The following HPSE2 variants were observed in gnomAD, a reference collection of about 807,000 sequenced individuals.
HPSE2 encodes inactive heparanase-2.
Under a neutral mutation model 60.5 loss-of-function variants are expected in HPSE2, and 38 were observed. That is an observed-to-expected ratio of 0.63 (90% CI 0.48 to 0.82). HPSE2 has a LOEUF of 0.82. HPSE2 is among the 40% of genes least tolerant of loss of function. HPSE2 has a pLI of 0.00. For synonymous variants in HPSE2, 295 were observed against 293.2 expected, an observed-to-expected ratio of 1.01 and a Z score of -0.06; for missense variants, 713 against 740.4, an observed-to-expected ratio of 0.96 and a Z score of 0.43.
intron 9 of HPSE2, among the ~76,000 whole-genome samples, chr10:98,491,790 G>A (rs1941653720): frequency 6.6e-6 from 1 of 152,134 alleles, no homozygotes; most frequent in Non-Finnish European, 1.5e-5. Flanking sequence ...GCTGTACAAC[G>A]CTTTCCTTCA....
chr10:98,477,889 G>A (rs979070366), intron 11 of HPSE2, among the ~76,000 whole-genome samples: 7 of 150,804 alleles, frequency 4.6e-5, no homozygotes, highest in African/African-American at 1.7e-4. Flanking sequence ...ATAGAAGTGT[G>A]AACCCTATTG....
Position 98,805,828 on chromosome 10 carries a change from C to T in HPSE2, c.611-61772G>A, listed in dbSNP as rs537385399. On this transcript the variant is annotated intron_variant, in intron 3 of 11. Coordinates refer to ENST00000370552, the MANE Select transcript of HPSE2 (RefSeq NM_021828.5). ...GCAAGATTTCCAAAATTTTTTTCTT[C>T]CAAGTATAGTGTAATTTATTTTGCC... Among the ~76,000 whole-genome samples, 569 of 152,104 alleles carry T rather than the reference C, an allele frequency of 3.7e-3. 7 individuals are homozygous for T. The highest frequency in any genetic ancestry group is 0.013 in the African/African-American group (548 of 41,498).
intron 3 of HPSE2, among the ~76,000 whole-genome samples, chr10:98,983,927 C>T (rs1956271061): frequency 6.6e-6 from 1 of 152,216 alleles, no homozygotes; most frequent in Non-Finnish European, 1.5e-5. Context: ...AACTGCAAGG[C>T]AGCAGCCAGG....
chr10:98,469,890 C>T (rs751985594), intron 11 of HPSE2, among the ~76,000 whole-genome samples: 15 of 152,248 alleles, frequency 9.9e-5, no homozygotes, highest in Admixed American at 3.9e-4. Context: ...TTTCAGATTC[C>T]CAAGTCAGAA....
chr10:99,131,379 T>A (rs1269383102), intron 3 of HPSE2, among the ~76,000 whole-genome samples: 1 of 152,176 alleles, frequency 6.6e-6, no homozygotes, highest in African/African-American at 2.4e-5. Flanking sequence ...AAAACACACT[T>A]GCACATGCAT....
chr10:99,102,581 G>C (rs1844052119), intron 3 of HPSE2, among the ~76,000 whole-genome samples: 1 of 152,136 alleles, frequency 6.6e-6, no homozygotes, highest in Non-Finnish European at 1.5e-5. Flanking sequence ...CATTCTTTCT[G>C]AAACTATTCC....
rs2135724415 is a variant in HPSE2, at chr10:99,126,713, T to C, written c.610+17525A>G. 6.6e-6 allele frequency among the ~76,000 whole-genome samples: 1 copy of C among 152,238 alleles called. No individual in the cohort carries two copies. The highest frequency in any genetic ancestry group is 1.5e-5 in the Non-Finnish European group (1 of 68,000). On this transcript the variant is annotated intron_variant, in intron 3 of 11. Transcript: ENST00000370552. This position sits in a 1 kb window ranked among gnomAD's most constrained non-coding sequence, Gnocchi z 4.0. ...TTCAAGAAAGCCAGCACACTAAACA[T>C]AGCTACAACTAAGGACCCTGACACA...
intron 3 of HPSE2, among the ~76,000 whole-genome samples, chr10:98,911,887 G>A (rs1953988869): frequency 1.3e-5 from 2 of 152,102 alleles, no homozygotes; most frequent in Admixed American, 1.3e-4. Flanking sequence ...TTTAAAACCT[G>A]GCTTTTGTCA....
In HPSE2 at chr10:99,029,731, C is replaced by T. The variant is rs185829831; in HGVS notation, c.610+114507G>A. 3.9e-5 allele frequency among the ~76,000 whole-genome samples: 6 copies of T among 152,298 alleles called. No individual in the cohort carries two copies. In the East Asian group the frequency reaches 7.7e-4, roughly 20 times the overall value. On this transcript the variant is annotated intron_variant, in intron 3 of 11. Coordinates refer to ENST00000370552, the MANE Select transcript of HPSE2 (RefSeq NM_021828.5). ...AGGTGTACAGGATGGAACATGAAGG[C>T]GGACTAGGAGTGTGACCGTTGAAGC...
chr10:98,645,609 A>T (rs1946746217), intron 6 of HPSE2, among the ~76,000 whole-genome samples: 1 of 152,206 alleles, frequency 6.6e-6, no homozygotes, highest in Non-Finnish European at 1.5e-5. Context: ...TTAAACCCAC[A>T]TTTATATTGT....
the HPSE2 span, among the ~76,000 whole-genome samples, chr10:99,309,682 G>A: frequency 1.3e-5 from 2 of 152,242 alleles, no homozygotes; most frequent in Admixed American, 6.5e-5. Context: ...TCTGCCACAA[G>A]TCCATATGGC....
At chr10:98,967,065 C>T (rs981809298) in intron 3 of HPSE2, among the ~76,000 whole-genome samples, 3 of 152,090 alleles carry the variant, frequency 2.0e-5, no homozygotes, top group East Asian at 1.9e-4. Flanking sequence ...CAGTGAACCA[C>T]GATTTAGAGG....
At position 99,027,094 on chromosome 10, in the gene HPSE2, A is replaced by G. The variant is rs549788085; in HGVS notation, c.610+117144T>C. On this transcript the variant is annotated intron_variant, in intron 3 of 11. Transcript: ENST00000370552. ...GCAAGAACAAACTAAACCCAAAAAT[A>G]GTAGAAGAAAATAAATAATAAAGAT... is the stretch of plus-strand genomic sequence containing the variant. Among the ~76,000 whole-genome samples, 293 of 152,160 alleles carry G rather than the reference A, an allele frequency of 1.9e-3. 8 individuals carry two copies. The South Asian group carries it at 0.031, about 16-fold the overall frequency.
intron 9 of HPSE2, among the ~76,000 whole-genome samples, chr10:98,521,420 A>G (rs1161142261): frequency 2.0e-5 from 3 of 152,248 alleles, no homozygotes; most frequent in Non-Finnish European, 4.4e-5. Context: ...AATGCAACTC[A>G]AAACCACAAT....
chr10:98,962,570 G>A (rs1378696487), intron 3 of HPSE2, among the ~76,000 whole-genome samples: 1 of 151,150 alleles, frequency 6.6e-6, no homozygotes, highest in Admixed American at 6.6e-5. Context: ...AGTGTTGGAA[G>A]TTCTGGCCAG....
chr10:98,603,656 C>T (rs1261504851), intron 9 of HPSE2, among the ~76,000 whole-genome samples: 1 of 152,054 alleles, frequency 6.6e-6, no homozygotes, highest in Non-Finnish European at 1.5e-5. Context: ...TCTCTATCTC[C>T]TGACCTCGTG....
intron 6 of HPSE2, among the ~76,000 whole-genome samples, chr10:98,688,778 C>G (rs999699432): frequency 4.0e-5 from 6 of 151,722 alleles, no homozygotes; most frequent in African/African-American, 1.5e-4. Flanking sequence ...GCCTGGTCTC[C>G]TTTAGTATTT....
chr10:98,780,702 T>C (rs896502223), intron 3 of HPSE2, among the ~76,000 whole-genome samples: 3 of 152,096 alleles, frequency 2.0e-5, no homozygotes, highest in Admixed American at 2.0e-4. Context: ...GACTGCAAGT[T>C]TTCAATAGGA....
intron 3 of HPSE2, among the ~76,000 whole-genome samples, chr10:98,812,949 G>A (rs1373949035): frequency 3.3e-5 from 5 of 152,102 alleles, no homozygotes; most frequent in Non-Finnish European, 7.4e-5. Flanking sequence ...GGAAGTTTGG[G>A]AATCACAGCA....
Sources: gnomAD v4.1 joint callset for allele counts (sites outside exome capture counted in the v4.1 genomes callset) on GRCh38, gnomAD v4.1.1 for gene constraint, Gnocchi (gnomAD v3.1) non-coding constraint, MANE v1.5 for transcripts, NCBI Gene and HGNC (gene_info 2026-07-23, HGNC 2026-07-21) for gene names.